Variants in MCTP1 observed in about 807,000 individuals in gnomAD.
MCTP1 encodes multiple C2 and transmembrane domain containing 1.
Under a neutral mutation model 120.6 loss-of-function variants are expected in MCTP1, and 69 were observed. The ratio of observed to expected loss-of-function variants is 0.57; its 90% CI spans 0.47 to 0.70. The LOEUF (loss-of-function observed/expected upper bound fraction) is 0.70, where lower values mean the gene tolerates loss of function less well. Ranked by LOEUF, MCTP1 falls within the 30% of genes least tolerant of loss-of-function variation. MCTP1 has a pLI of 0.00. For missense variants in MCTP1, 1,203 were observed against 1,248.8 expected (o/e 0.96, Z 0.55); for synonymous variants, 529 against 493.1 (o/e 1.07, Z -0.96).
intron 1 of MCTP1, among the ~76,000 whole-genome samples, chr5:95,210,510 T>C (rs1049088200): frequency 2.7e-5 from 4 of 149,740 alleles, no homozygotes; most frequent in Non-Finnish European, 5.9e-5. Flanking sequence ...TGCCTTTTTT[T>C]GTTTTCCATT....
chr5:94,704,616 A>T lies in MCTP1; in HGVS notation c.*2880T>A, dbSNP rs766494010. ...GATAATTTTAGAAATGTATCAATTA[A>T]ATTTGGCTCTCACTGTACTTCAACT... On this transcript the variant is annotated 3_prime_UTR_variant, in exon 23 of 23. Coordinates refer to ENST00000515393, the MANE Select transcript of MCTP1 (RefSeq NM_024717.7). 10 of 149,224 alleles carry T rather than the reference A, an allele frequency of 6.7e-5. No individual in the cohort carries two copies. The highest frequency in any genetic ancestry group is 1.3e-4 in the Non-Finnish European group (9 of 67,570). 9.2% of individuals were successfully genotyped at this position (149,224 alleles called of 1,614,324 possible). A position where few individuals can be genotyped will look rare whatever the true frequency, so the allele number is the denominator to read the frequency against.
intron 1 of MCTP1, among the ~76,000 whole-genome samples, chr5:95,085,036 T>G (rs1371272837): frequency 1.3e-5 from 2 of 152,096 alleles, no homozygotes; most frequent in Admixed American, 6.6e-5. Context: ...AGCCCACTGA[T>G]CCTAGTAACT....
intron 10 of MCTP1, among the ~76,000 whole-genome samples, chr5:94,905,501 T>A (rs1806591021): frequency 6.6e-6 from 1 of 152,184 alleles, no homozygotes; most frequent in African/African-American, 2.4e-5. Context: ...AAGCTGATGG[T>A]GGCTTTGACC....
At position 94,751,462 on chromosome 5, in the gene MCTP1, G is replaced by T. The variant is rs187008920; in HGVS notation, c.2610+27648C>A. 1.3e-3 allele frequency among the ~76,000 whole-genome samples: 200 copies of T among 151,754 alleles called. 1 individual carries two copies. Among genetic ancestry groups the T allele is most frequent in the African/African-American group, 4.1e-3 (170 of 41,328 alleles). On this transcript the variant is annotated intron_variant, in intron 19 of 22. Coordinates refer to ENST00000515393, the MANE Select transcript of MCTP1 (RefSeq NM_024717.7). ...AAAAAAATTCTAAGACTTCTCAAAG[G>T]CAGGTGACCTTGAAAGCCTAATAAA...
At position 95,049,204 on chromosome 5, in the gene MCTP1, A is replaced by G. The variant is rs1745282481; in HGVS notation, c.721-31720T>C. ...TCTAAACATCATCTTCTTTGTCTGCAAAACAAAAAATGCCAGCAAGGCACT... is the reference window on the plus strand; with the variant it reads ...TCTAAACATCATCTTCTTTGTCTGCGAAACAAAAAATGCCAGCAAGGCACT... On this transcript the variant is annotated intron_variant, in intron 1 of 22. Transcript: ENST00000515393. Among the ~76,000 whole-genome samples the G allele has an allele frequency of 2.0e-5, 3 of 152,070 alleles. No homozygotes were observed. The South Asian group carries it at 6.2e-4, about 31-fold the overall frequency.
At chr5:94,982,109 A>G (rs1829534540) in intron 2 of MCTP1, among the ~76,000 whole-genome samples, 1 of 152,202 alleles carries the variant, frequency 6.6e-6, no homozygotes, top group Non-Finnish European at 1.5e-5. Context: ...TTTTAAGACT[A>G]GCTGGCCTGA....
intron 3 of MCTP1, among the ~76,000 whole-genome samples, chr5:94,944,498 A>G (rs1025334121): frequency 4.6e-5 from 7 of 152,174 alleles, no homozygotes; most frequent in Non-Finnish European, 8.8e-5. Context: ...TATCATCCTT[A>G]GGCTTAAAAT....
intron 2 of MCTP1, among the ~76,000 whole-genome samples, chr5:95,013,739 C>T (rs940722022): frequency 4.6e-5 from 7 of 152,108 alleles, no homozygotes; most frequent in Admixed American, 2.6e-4. Context: ...ATCTAGTCAC[C>T]GGAGAGTTCT....
intron 1 of MCTP1, among the ~76,000 whole-genome samples, chr5:95,240,582 G>A (rs976471737): frequency 2.6e-5 from 4 of 152,178 alleles, no homozygotes; most frequent in Non-Finnish European, 5.9e-5. Context: ...GAGGGTAGAT[G>A]CTTTACCTTA....
chr5:94,986,182 A>G (rs1278193252), intron 2 of MCTP1, among the ~76,000 whole-genome samples: 2 of 151,678 alleles, frequency 1.3e-5, no homozygotes, highest in Non-Finnish European at 2.9e-5. Flanking sequence ...ACCTCTAATA[A>G]AAATCATGAA....
intron 12 of MCTP1, among the ~76,000 whole-genome samples, chr5:94,876,915 A>C (rs159030): frequency 0.18 from 27,321 of 152,026 alleles, 3,054 homozygotes; most frequent in Non-Finnish European, 0.25. Flanking sequence ...TCACCCCAGA[A>C]TTATAAGTAT....
chr5:94,800,483 A>C (rs1409190032), intron 17 of MCTP1, among the ~76,000 whole-genome samples: 1 of 152,156 alleles, frequency 6.6e-6, no homozygotes, highest in African/African-American at 2.4e-5. Context: ...ATCTCAGTGA[A>C]GCCTACAGCC....
intron 2 of MCTP1, among the ~76,000 whole-genome samples, chr5:95,004,331 T>G (rs1834262698): frequency 6.6e-6 from 1 of 152,170 alleles, no homozygotes; most frequent in African/African-American, 2.4e-5. Context: ...TTTGGAAAAT[T>G]TGCAGCCTAG....
At chr5:95,142,202 A>G (rs1299291348) in intron 1 of MCTP1, among the ~76,000 whole-genome samples, 1 of 152,186 alleles carries the variant, frequency 6.6e-6, no homozygotes, top group Non-Finnish European at 1.5e-5. Flanking sequence ...AGGGATTTTA[A>G]CAACACAGAT....
intron 12 of MCTP1, among the ~76,000 whole-genome samples, chr5:94,879,256 T>C (rs1384309127): frequency 6.6e-6 from 1 of 152,082 alleles, no homozygotes; most frequent in African/African-American, 2.4e-5. Context: ...CAGGATGCAA[T>C]CTAGGCTTAG....
chr5:94,742,797 A>C (rs1765820051), intron 19 of MCTP1, among the ~76,000 whole-genome samples: 2 of 152,234 alleles, frequency 1.3e-5, no homozygotes, highest in South Asian at 4.1e-4. Context: ...GTCAGACTAA[A>C]GAAATTTCAA....
At chr5:95,247,333 A>G (rs1384790788) in intron 1 of MCTP1, among the ~76,000 whole-genome samples, 2 of 151,972 alleles carry the variant, frequency 1.3e-5, no homozygotes, top group East Asian at 3.9e-4. Context: ...TTATCTTTTC[A>G]AAAAACCAGC....
intron 1 of MCTP1, among the ~76,000 whole-genome samples, chr5:95,083,734 A>G (rs984514196): frequency 3.3e-5 from 5 of 152,220 alleles, no homozygotes; most frequent in Non-Finnish European, 5.9e-5. Context: ...ATACTACTGT[A>G]ATTACCAGAT....
intron 19 of MCTP1, among the ~76,000 whole-genome samples, chr5:94,759,219 T>C (rs1770692483): frequency 1.3e-5 from 2 of 152,218 alleles, no homozygotes; most frequent in African/African-American, 4.8e-5. Context: ...CCATAAGCTT[T>C]GATTCCATTA....
Sources: gnomAD v4.1 joint callset for allele counts (sites outside exome capture counted in the v4.1 genomes callset) on GRCh38, gnomAD v4.1.1 for gene constraint, MANE v1.5 for transcripts, NCBI Gene and HGNC (gene_info 2026-07-23, HGNC 2026-07-21) for gene names.